The following PPP6R2 variants were observed in gnomAD, a reference collection of about 807,000 sequenced individuals.
The protein encoded by PPP6R2 is protein phosphatase 6 regulatory subunit 2, also known as serine/threonine-protein phosphatase 6 regulatory subunit 2.
A neutral mutation model predicts 100.2 loss-of-function variants in PPP6R2; 62 were observed. The ratio of observed to expected loss-of-function variants is 0.62; its 90% CI spans 0.50 to 0.76. PPP6R2 has a LOEUF of 0.76. Ranked by LOEUF, PPP6R2 falls within the 30% of genes least tolerant of loss-of-function variation. The probability of loss-of-function intolerance (pLI) is 0.00; values close to 1 mark genes in which losing one functional copy is unlikely to be tolerated. For missense variants in PPP6R2, 1,142 were observed against 1,276.3 expected, an observed-to-expected ratio of 0.89 and a Z score of 1.60; for synonymous variants, 525 against 514.7, an observed-to-expected ratio of 1.02 and a Z score of -0.27.
chr22:50,342,714 T>G (rs2042540121), upstream of PPP6R2, among the ~76,000 whole-genome samples: 1 of 152,262 alleles, frequency 6.6e-6, no homozygotes, highest in Non-Finnish European at 1.5e-5. Context: ...TTGATGGAAT[T>G]AAACAATTCC....
chr22:50,363,683 G>A (rs990870637), intron 1 of PPP6R2, among the ~76,000 whole-genome samples: 5 of 152,116 alleles, frequency 3.3e-5, no homozygotes, highest in East Asian at 1.9e-4. Flanking sequence ...CTGCTCTTAC[G>A]GACGGACCTG....
At chr22:50,349,566 C>G (rs2044543892) in intron 1 of PPP6R2, among the ~76,000 whole-genome samples, 1 of 152,064 alleles carries the variant, frequency 6.6e-6, no homozygotes, top group South Asian at 2.1e-4. Flanking sequence ...TGGCTCATGC[C>G]TGTAATCCCA....
At chr22:50,356,804 C>T (rs2046690666) in intron 1 of PPP6R2, among the ~76,000 whole-genome samples, 1 of 151,840 alleles carries the variant, frequency 6.6e-6, no homozygotes, top group Non-Finnish European at 1.5e-5. Context: ...CCATGGTGGC[C>T]GGCGCCATAA....
rs1192671164 is a variant in PPP6R2, at chr22:50,385,814, CTTTTTTTT to C, written c.-16-8059_-16-8052del. 1.3e-4 allele frequency among the ~76,000 whole-genome samples: 10 copies of C among 75,396 alleles called. 1 individual carries two copies. The highest frequency in any genetic ancestry group is 1.0e-3 in the South Asian group (2 of 1,938). The allele number at this position is 75,396 out of a possible 152,430, so 49.5% of individuals were successfully genotyped here. On this transcript the variant is annotated intron_variant, in intron 2 of 23. Coordinates refer to ENST00000612753, the MANE Select transcript of PPP6R2 (RefSeq NM_001242898.2). The stretch of plus-strand genomic sequence containing the variant: ...TACAGGCATGAGCCACCGCGCCCAG[CTTTTTTTT>C]TTTTTTTTTTTTTTTTTTTGAGACG...
chr22:50,437,468 G>C (rs553496166), intron 15 of PPP6R2, 38 bp from the exon 16 acceptor site: 1 of 1,275,708 alleles, frequency 7.8e-7, no homozygotes. Flanking sequence ...CTCCATGACC[G>C]GTGTCTGTCC....
chr22:50,394,460 G>A lies in PPP6R2; in HGVS notation c.227+325G>A, dbSNP rs552695626. On this transcript the variant is annotated intron_variant, in intron 3 of 23. Transcript: ENST00000612753. ...ATTTTTTTTTTTAAATTAGCCAGAT[G>A]TGGTGTTGTAGACCTCTGGTTCCAG... Among the ~76,000 whole-genome samples, 28 of 151,814 alleles carry A rather than the reference G, an allele frequency of 1.8e-4. 1 individual carries two copies. In the South Asian group the frequency reaches 5.8e-3, roughly 32 times the overall value.
intron 1 of PPP6R2, among the ~76,000 whole-genome samples, chr22:50,355,612 C>T (rs1211652432): frequency 6.6e-6 from 1 of 151,006 alleles, no homozygotes; most frequent in Non-Finnish European, 1.5e-5. Flanking sequence ...GCTCCGCCTC[C>T]TGGATTCACG....
chr22:50,345,534 C>T (rs186727288), intron 1 of PPP6R2, among the ~76,000 whole-genome samples: 6 of 1,498 alleles, frequency 4.0e-3, no homozygotes, highest in Non-Finnish European at 5.8e-3. Flanking sequence ...TCCCCCCAGT[C>T]AGTTTTCCCC....
chr22:50,431,435 C>A lies in PPP6R2; in HGVS notation c.1335+53C>A. ...AGCGCCAACTGCGCCCCACTCAGAC[C>A]GTGTCCATGTCAGCGCTGACGTGTG... On this transcript the variant is annotated intron_variant, in intron 11 of 23. Transcript: ENST00000612753. The surrounding 1 kb of genome is among the most constrained non-coding windows in gnomAD (Gnocchi z 4.8). The A allele has an allele frequency of 6.6e-7, 1 of 1,515,608 alleles. No individual in the cohort carries two copies. Among genetic ancestry groups the A allele is most frequent in the South Asian group, 1.1e-5 (1 of 87,576 alleles). 93.9% of individuals were successfully genotyped at this position (1,515,608 alleles called of 1,614,324 possible).
intron 3 of PPP6R2, among the ~76,000 whole-genome samples, chr22:50,406,413 T>C (rs2058968156): frequency 6.6e-6 from 1 of 152,150 alleles, no homozygotes; most frequent in African/African-American, 2.4e-5. Context: ...GCCGGAAGAC[T>C]GAGAAAGGTT....
At chr22:50,360,469 C>T (rs999172270) in intron 1 of PPP6R2, among the ~76,000 whole-genome samples, 1 of 151,286 alleles carries the variant, frequency 6.6e-6, no homozygotes, top group Non-Finnish European at 1.5e-5. Context: ...CATAAGAGAC[C>T]CTCCTGCCTC....
intron 4 of PPP6R2, among the ~76,000 whole-genome samples, chr22:50,407,887 TA>T (rs2059198330): frequency 6.6e-6 from 1 of 151,994 alleles, no homozygotes; most frequent in Non-Finnish European, 1.5e-5. Flanking sequence ...AGTATGTATG[TA>T]CATTTATTTA....
chr22:50,402,334 T>C (rs560016572), intron 3 of PPP6R2, among the ~76,000 whole-genome samples: 2 of 151,596 alleles, frequency 1.3e-5, no homozygotes, highest in East Asian at 1.9e-4. Flanking sequence ...GTTTCTTTTT[T>C]TTTTTTTTTT....
upstream of PPP6R2, among the ~76,000 whole-genome samples, chr22:50,341,484 G>C (rs922270312): frequency 2.6e-5 from 4 of 152,156 alleles, no homozygotes; most frequent in Non-Finnish European, 5.9e-5. Context: ...GATTACAGGT[G>C]TGAGCCACCG....
At chr22:50,420,728 A>G (rs567760246) in intron 8 of PPP6R2, among the ~76,000 whole-genome samples, 13 of 152,328 alleles carry the variant, frequency 8.5e-5, no homozygotes, top group Non-Finnish European at 1.6e-4. Context: ...TTGGCCCGCC[A>G]GGTGCCCAGG....
chr22:50,437,482 C>G, intron 15 of PPP6R2, 24 bp from the exon 16 acceptor site: 1 of 735,164 alleles, frequency 1.4e-6, no homozygotes, highest in Non-Finnish European at 2.5e-6. Context: ...TCTGTCCGTC[C>G]CTCCCTCCCT....
chr22:50,340,841 A>G (rs1486503362), upstream of PPP6R2, among the ~76,000 whole-genome samples: 1 of 151,910 alleles, frequency 6.6e-6, no homozygotes, highest in Non-Finnish European at 1.5e-5. Flanking sequence ...GGGCAACAGC[A>G]GGGACTTTGT....
At position 50,439,221 on chromosome 22, in the gene PPP6R2, TGGC is replaced by T. The variant is rs2065055870; in HGVS notation, c.2128+462_2128+464del. On this transcript the variant is annotated intron_variant, in intron 19 of 23. Transcript: ENST00000612753. The stretch of plus-strand genomic sequence containing the variant: ...AGCACTGAGGCACTCAGGACTTTGG[TGGC>T]GGGGGCAGAGATCTCTGTTAGGAGG... Among the ~76,000 whole-genome samples the T allele has an allele frequency of 1.3e-5, 2 of 152,180 alleles. 1 individual carries two copies. Among genetic ancestry groups the T allele is most frequent in the Admixed American group, 1.3e-4 (2 of 15,286 alleles).
chr22:50,444,460 G>A lies in PPP6R2; in HGVS notation c.*213G>A. On this transcript the variant is annotated 3_prime_UTR_variant, in exon 24 of 24. Transcript: ENST00000612753. Reference sequence around the variant, plus strand: ...TCAGGTCACTCGTGCCCTGCTGGAGGACAGAGGGGCACCTCAGCCGCCCCC... The same window carrying A: ...TCAGGTCACTCGTGCCCTGCTGGAGAACAGAGGGGCACCTCAGCCGCCCCC... 2.0e-6 allele frequency: 1 copy of A among 498,606 alleles called. No individual in the cohort carries two copies. The highest frequency in any genetic ancestry group is 4.6e-5 in the East Asian group (1 of 21,700). The allele number at this position is 498,606 out of a possible 1,614,324, so 30.9% of individuals were successfully genotyped here.
Sources: allele counts gnomAD v4.1 joint callset (sites outside exome capture counted in the v4.1 genomes callset), GRCh38; gene constraint gnomAD v4.1.1; non-coding constraint Gnocchi (gnomAD v3.1); transcripts MANE v1.5; gene names NCBI Gene and HGNC (gene_info 2026-07-23, HGNC 2026-07-21).